The following CCSAP variants were observed in gnomAD, a reference collection of about 807,000 sequenced individuals.
CCSAP encodes the protein centriole, cilia and spindle-associated protein.
In CCSAP, 17 loss-of-function variants were observed where a neutral mutation model predicts 25.9. The ratio of observed to expected loss-of-function variants is 0.66; its 90% CI spans 0.45 to 0.99. The LOEUF (loss-of-function observed/expected upper bound fraction) is 0.99, where lower values mean the gene tolerates loss of function less well. Among genes scored for constraint, CCSAP ranks in the 50% least tolerant of loss-of-function variants. The pLI, the probability that CCSAP is intolerant of heterozygous loss-of-function variation, is 0.00. For missense variants in CCSAP, 339 were observed against 367.8 expected, an observed-to-expected ratio of 0.92 and a Z score of 0.64; for synonymous variants, 169 against 157.1, an observed-to-expected ratio of 1.08 and a Z score of -0.57.
chr1:229,342,129 C>T lies in CCSAP; in HGVS notation c.337G>A (p.Ala113Thr), dbSNP rs779423761. 348 of 1,342,160 alleles carry T rather than the reference C, an allele frequency of 2.6e-4. 1 individual carries two copies. The Middle Eastern group carries it at 3.5e-3, about 13-fold the overall frequency. 83.1% of individuals were successfully genotyped at this position (1,342,160 alleles called of 1,614,324 possible). A position where few individuals can be genotyped will look rare whatever the true frequency, so the allele number is the denominator to read the frequency against. The change falls in exon 2 of 4, where the codon GCC becomes ACC. Residue 113 changes from alanine to threonine, a missense_variant. Transcript: ENST00000284617. The surrounding 1 kb of genome is among the most constrained non-coding windows in gnomAD (Gnocchi z 7.5). ...AGAGCCGCGTCCTCCGCGTCCTCGGCCTCCGCGTCCCCGGCCTCCGCGTCC... is the reference window on the plus strand; with the variant it reads ...AGAGCCGCGTCCTCCGCGTCCTCGGTCTCCGCGTCCCCGGCCTCCGCGTCC... ...EQDAEAGDAE[A>T]EDAEDAALPA... is the part of the protein sequence containing the mutation.
In CCSAP at chr1:229,321,659, T is replaced by C. The variant is rs1431984250; in HGVS notation, c.*3576A>G. 1 of 152,234 alleles carries C rather than the reference T, an allele frequency of 6.6e-6. No homozygotes were observed. Among genetic ancestry groups the C allele is most frequent in the African/African-American group, 2.4e-5 (1 of 41,470 alleles). The allele number at this position is 152,234 out of a possible 1,614,324, so 9.4% of individuals were successfully genotyped here. A position where few individuals can be genotyped will look rare whatever the true frequency, so the allele number is the denominator to read the frequency against. ...ATTTTTTATCTAGTCCAGTGAAATGTAAAACTATCCATCAAACTGTTTTTT... is the reference window on the plus strand; with the variant it reads ...ATTTTTTATCTAGTCCAGTGAAATGCAAAACTATCCATCAAACTGTTTTTT... On this transcript the variant is annotated 3_prime_UTR_variant, in exon 4 of 4. Transcript: ENST00000284617.
intron 2 of CCSAP, among the ~76,000 whole-genome samples, chr1:229,334,233 C>G (rs1481195627): frequency 4.6e-5 from 7 of 152,114 alleles, no homozygotes; most frequent in African/African-American, 1.7e-4. Flanking sequence ...ACCACACCCA[C>G]CTAATTTTTG....
Position 229,342,457 on chromosome 1 carries a change from CG to C in CCSAP, c.8del (p.Pro3ArgfsTer5). ...TGTACTCGCTCTTCACCCCGCTCCC[CG>C]GGGACATGGTGCCGTCCGCCGCCTC... is the stretch of plus-strand genomic sequence containing the variant. Reference protein sequence around the residue: MSPGSGVKSEYMK... With the variant: MSXGSGVKSEYMK... On this transcript the variant is annotated frameshift_variant, in exon 2 of 4. Coordinates refer to ENST00000284617, the MANE Select transcript of CCSAP (RefSeq NM_145257.5). LOFTEE classifies it high-confidence loss of function. This position sits in a 1 kb window ranked among gnomAD's most constrained non-coding sequence, Gnocchi z 7.5. 2.2e-6 allele frequency: 3 copies of C among 1,366,984 alleles called. No homozygotes were observed. Among genetic ancestry groups the C allele is most frequent in the South Asian group, 2.0e-5 (1 of 49,990 alleles). 84.7% of individuals were successfully genotyped at this position (1,366,984 alleles called of 1,614,324 possible).
intron 3 of CCSAP, 108 bp downstream of exon 3, chr1:229,326,630 T>C (rs1657946583): frequency 4.5e-6 from 6 of 1,347,598 alleles, no homozygotes; most frequent in East Asian, 2.3e-5. Flanking sequence ...AGATCTCCCA[T>C]GGGCCCAAAG....
intron 2 of CCSAP, among the ~76,000 whole-genome samples, chr1:229,339,727 G>A (rs1041274050): frequency 6.6e-6 from 1 of 152,170 alleles, no homozygotes; most frequent in Non-Finnish European, 1.5e-5. Flanking sequence ...AAGAGTGATA[G>A]TGAACCTGAT....
At chr1:229,328,466 A>T (rs1657997303) in intron 2 of CCSAP, among the ~76,000 whole-genome samples, 2 of 104,946 alleles carry the variant, frequency 1.9e-5, no homozygotes, top group Non-Finnish European at 4.1e-5. Context: ...ATGCCCAGGC[A>T]ATTTACAAAA....
chr1:229,342,544 G>C lies in CCSAP; in HGVS notation c.-48-31C>G, dbSNP rs1658365116. The C allele has an allele frequency of 1.0e-6, 1 of 979,526 alleles. No homozygotes were observed. Among genetic ancestry groups the C allele is most frequent in the Non-Finnish European group, 1.3e-6 (1 of 754,608 alleles). 60.7% of individuals were successfully genotyped at this position (979,526 alleles called of 1,614,324 possible). On this transcript the variant is annotated intron_variant, in intron 1 of 3. Transcript: ENST00000284617. The surrounding 1 kb of genome is among the most constrained non-coding windows in gnomAD (Gnocchi z 7.5). The stretch of plus-strand genomic sequence containing the variant: ...GGACCCGGTACACGACACAGAGGCC[G>C]CCCCGCCCCTCCGCCGGCCCTGCCC...
At chr1:229,326,089 T>C (rs1369197097) in intron 3 of CCSAP, among the ~76,000 whole-genome samples, 1 of 152,226 alleles carries the variant, frequency 6.6e-6, no homozygotes, top group Non-Finnish European at 1.5e-5. Flanking sequence ...GTATTAACGC[T>C]AACATACATG....
rs1256716408 is a variant in CCSAP at position 229,342,100 on chromosome 1, T to A, written c.366A>T (p.Pro122=). 3 of 1,352,940 alleles carry A rather than the reference T, an allele frequency of 2.2e-6. No individual in the cohort carries two copies. Among genetic ancestry groups the A allele is most frequent in the African/African-American group, 3.0e-5 (2 of 66,446 alleles). The allele number at this position is 1,352,940 out of a possible 1,614,324, so 83.8% of individuals were successfully genotyped here. The part of the protein sequence containing the change: ...EAEDAEDAAL[P]ALPVKDVEDK... The stretch of plus-strand genomic sequence containing the variant: ...CGCGCTCCCCTCCGGGCCGGGTACC[T>A]GGCAGAGCCGCGTCCTCCGCGTCCT... Residue 122 remains proline, a splice_region_variant and synonymous_variant, in exon 2 of 4, where the codon CCA becomes CCT. Transcript: ENST00000284617. The surrounding 1 kb of genome is among the most constrained non-coding windows in gnomAD (Gnocchi z 7.5).
chr1:229,337,948 GCAAA>G (rs780494342), intron 2 of CCSAP, among the ~76,000 whole-genome samples: 18 of 151,018 alleles, frequency 1.2e-4, no homozygotes, highest in Non-Finnish European at 2.4e-4. Flanking sequence ...AACAAAATAA[GCAAA>G]CAAAAAAGTG....
In CCSAP at chr1:229,325,407, T is replaced by C; in HGVS notation, c.641A>G (p.His214Arg). The C allele has an allele frequency of 6.2e-7, 1 of 1,612,672 alleles. No individual in the cohort carries two copies. Among genetic ancestry groups the C allele is most frequent in the Non-Finnish European group, 8.5e-7 (1 of 1,179,626 alleles). Residue 214 changes from histidine to arginine, a missense_variant, in exon 4 of 4, where the codon CAT becomes CGT. By Grantham distance (29) the His-to-Arg change is conservative. Transcript: ENST00000284617. The part of the protein sequence containing the change: ...VCASAPVHEI[H>R]ESALRAKNRR... ...GTTCTTGGCTCGTAATGCTGATTCA[T>C]GAATCTAAAGAGAGTTCAAAATAAA...
At chr1:229,337,702 C>CATATATATATATATATAT (rs1394833041) in intron 2 of CCSAP, among the ~76,000 whole-genome samples, 11 of 48,540 alleles carry the variant, frequency 2.3e-4, no homozygotes, top group Non-Finnish European at 3.0e-4. Context: ...TATATATACA[C>CATATATATATATATATAT]ATACATATAT....
intron 2 of CCSAP, among the ~76,000 whole-genome samples, chr1:229,330,513 AT>A (rs2102693775): frequency 6.6e-6 from 1 of 152,352 alleles, no homozygotes; most frequent in South Asian, 2.1e-4. Flanking sequence ...GTAAAAAAGA[AT>A]AACCAGGAAA....
chr1:229,325,450 G>A, intron 3 of CCSAP, 39 bp from the exon 4 acceptor site: 2 of 1,575,706 alleles, frequency 1.3e-6, no homozygotes, highest in South Asian at 1.2e-5. Context: ...AACTTAAGGG[G>A]CTATTATACT....
At position 229,335,484 on chromosome 1, in the gene CCSAP, G is replaced by C. The variant is rs547587100; in HGVS notation, c.367+6615C>G. Among the ~76,000 whole-genome samples, 4 of 152,268 alleles carry C rather than the reference G, an allele frequency of 2.6e-5. No individual in the cohort carries two copies. The South Asian group carries it at 8.3e-4, about 32-fold the overall frequency. ...GCTCTGTTGAGAGTTGGGATCCACG[G>C]GTCCTCCCCTTGAACCTGGGCAGAC... is the stretch of plus-strand genomic sequence containing the variant. On this transcript the variant is annotated intron_variant, in intron 2 of 3. Coordinates refer to ENST00000284617, the MANE Select transcript of CCSAP (RefSeq NM_145257.5).
At chr1:229,326,097 A>G (rs1657934961) in intron 3 of CCSAP, among the ~76,000 whole-genome samples, 1 of 152,204 alleles carries the variant, frequency 6.6e-6, no homozygotes, top group East Asian at 1.9e-4. Context: ...GCTAACATAC[A>G]TGTTTTCTGA....
chr1:229,333,748 G>A (rs1258903594), intron 2 of CCSAP, among the ~76,000 whole-genome samples: 2 of 152,056 alleles, frequency 1.3e-5, no homozygotes, highest in Admixed American at 6.5e-5. Flanking sequence ...AGGCATGGTT[G>A]TGTATGCCTG....
At chr1:229,335,030 T>C (rs1658164993) in intron 2 of CCSAP, among the ~76,000 whole-genome samples, 2 of 152,130 alleles carry the variant, frequency 1.3e-5, no homozygotes, top group African/African-American at 4.8e-5. Flanking sequence ...AAGAATCACA[T>C]GAGCCAGATG....
In CCSAP at chr1:229,342,176, G is replaced by A. The variant is rs996774679; in HGVS notation, c.290C>T (p.Ala97Val). Residue 97 changes from alanine (A) to valine (V), a missense_variant, in exon 2 of 4, where the codon GCG (alanine) becomes GTG (valine). Coordinates refer to ENST00000284617, the MANE Select transcript of CCSAP (RefSeq NM_145257.5). The surrounding 1 kb of genome is among the most constrained non-coding windows in gnomAD (Gnocchi z 7.5). ...GTCCTGCTCCTCCGGGGCCCCGCGC[G>A]CCCGCCGTTCCGCCTCCTCCTGGGT... ...PATQEEAERRARGAPEEQDAE... is the reference protein window; with the variant it reads ...PATQEEAERRVRGAPEEQDAE... The A allele has an allele frequency of 1.6e-6, 2 of 1,286,562 alleles. No individual in the cohort carries two copies. Among genetic ancestry groups the A allele is most frequent in the Non-Finnish European group, 2.0e-6 (2 of 1,018,424 alleles). The allele number at this position is 1,286,562 out of a possible 1,614,324, so 79.7% of individuals were successfully genotyped here.
Sources: gnomAD v4.1 joint callset for allele counts (sites outside exome capture counted in the v4.1 genomes callset) on GRCh38, gnomAD v4.1.1 for gene constraint, Gnocchi (gnomAD v3.1) non-coding constraint, MANE v1.5 for transcripts, NCBI Gene and HGNC (gene_info 2026-07-23, HGNC 2026-07-21) for gene names.